EML4: variants seen among roughly 807,000 people sequenced by gnomAD.
EML4 encodes the protein echinoderm microtubule-associated protein-like 4.
EML4 carries 72 observed loss-of-function variants against 129.0 expected under a neutral mutation model. That is an observed-to-expected ratio of 0.56 (90% CI 0.46 to 0.68). The LOEUF (loss-of-function observed/expected upper bound fraction) is 0.68, where lower values mean the gene tolerates loss of function less well. Ranked by LOEUF, EML4 falls within the 30% of genes least tolerant of loss-of-function variation. EML4 has a pLI of 0.00. For synonymous variants in EML4, 532 were observed against 405.0 expected, an observed-to-expected ratio of 1.31 and a Z score of -3.77; for missense variants, 1,363 against 1,190.6, an observed-to-expected ratio of 1.14 and a Z score of -2.13.
intron 1 of EML4, among the ~76,000 whole-genome samples, chr2:42,215,227 CTT>C (rs1673113691): frequency 6.6e-6 from 1 of 152,182 alleles, no homozygotes; most frequent in Admixed American, 6.5e-5. Flanking sequence ...GCCTGGCTAA[CTT>C]TTATATTTTT....
At chr2:42,223,924 C>T (rs557491079) in intron 1 of EML4, among the ~76,000 whole-genome samples, 21 of 152,178 alleles carry the variant, frequency 1.4e-4, no homozygotes, top group African/African-American at 4.1e-4. Context: ...AATACCACTA[C>T]GGGTTCTCCT....
intron 19 of EML4, 183 bp from the exon 20 acceptor site, chr2:42,325,284 C>G (rs952247982): frequency 1.6e-6 from 1 of 629,034 alleles, no homozygotes; most frequent in Non-Finnish European, 3.1e-6. Context: ...CAGAAAGTTT[C>G]TCCCAGGTTT....
chr2:42,310,163 G>C (rs754994677), intron 17 of EML4, among the ~76,000 whole-genome samples: 2 of 152,100 alleles, frequency 1.3e-5, no homozygotes, highest in Non-Finnish European at 2.9e-5. Context: ...ATTTTCTCTG[G>C]ACTTTGAATT....
intron 8 of EML4, among the ~76,000 whole-genome samples, chr2:42,284,254 A>T (rs920877436): frequency 5.9e-5 from 9 of 152,358 alleles, no homozygotes; most frequent in African/African-American, 1.9e-4. Flanking sequence ...AAAAGGAAAA[A>T]ATGCTTGTAC....
intron 1 of EML4, among the ~76,000 whole-genome samples, chr2:42,223,129 C>T (rs1201960100): frequency 2.6e-5 from 4 of 152,020 alleles, no homozygotes; most frequent in African/African-American, 9.7e-5. Context: ...TTAATAGCTG[C>T]ACAGATTCCA....
intron 6 of EML4, among the ~76,000 whole-genome samples, chr2:42,278,596 A>T (rs1474360318): frequency 6.6e-6 from 1 of 150,936 alleles, no homozygotes; most frequent in African/African-American, 2.4e-5. Context: ...AAAAAAAAAA[A>T]AAAAAAATCC....
At chr2:42,234,735 A>G (rs1674552914) in intron 1 of EML4, among the ~76,000 whole-genome samples, 1 of 152,272 alleles carries the variant, frequency 6.6e-6, no homozygotes, top group African/African-American at 2.4e-5. Context: ...AAAGATGGTC[A>G]TGTATATAAA....
At chr2:42,306,459 G>T (rs551333758) in intron 17 of EML4, among the ~76,000 whole-genome samples, 1 of 141,384 alleles carries the variant, frequency 7.1e-6, no homozygotes, top group African/African-American at 2.6e-5. Context: ...CATTTATTCA[G>T]TGTCTGATGA....
rs147095768 is a variant in EML4 at position 42,193,288 on chromosome 2, A to G, written c.25+23652A>G. ...TAGGTTTGTGTAAGTACATTCTGTG[A>G]TTTTGCACAATGAAATTGCCTGTGA... On this transcript the variant is annotated intron_variant, in intron 1 of 22. Coordinates refer to ENST00000318522, the MANE Select transcript of EML4 (RefSeq NM_019063.5). 4.7e-3 allele frequency among the ~76,000 whole-genome samples: 723 copies of G among 152,270 alleles called. 1 individual carries two copies. The highest frequency in any genetic ancestry group is 5.1e-3 in the Non-Finnish European group (346 of 68,014).
chr2:42,203,152 T>A (rs1672336704), intron 1 of EML4, among the ~76,000 whole-genome samples: 1 of 152,230 alleles, frequency 6.6e-6, no homozygotes, highest in African/African-American at 2.4e-5. Flanking sequence ...TTGGCCTGAT[T>A]TGGCCACTCT....
At chr2:42,185,847 C>G (rs1467456920) in intron 1 of EML4, among the ~76,000 whole-genome samples, 2 of 152,048 alleles carry the variant, frequency 1.3e-5, no homozygotes, top group Non-Finnish European at 2.9e-5. Context: ...TTGCAGTAAT[C>G]TAGGAGAGAC....
intron 17 of EML4, among the ~76,000 whole-genome samples, chr2:42,312,946 CTT>C (rs753939714): frequency 0.13 from 15,214 of 113,802 alleles, 649 homozygotes; most frequent in African/African-American, 0.17. Context: ...CAATGTATAT[CTT>C]TTTTTTTTTT....
At chr2:42,286,741 A>G (rs1200715614) in intron 10 of EML4, among the ~76,000 whole-genome samples, 2 of 152,214 alleles carry the variant, frequency 1.3e-5, no homozygotes, top group Admixed American at 6.5e-5. Context: ...GAAAAGATCT[A>G]TTTTATTTTA....
rs1667188810 is a variant in EML4, at chr2:42,284,658, T to G, written c.966T>G (p.Ile322Met). The G allele has an allele frequency of 1.9e-6, 3 of 1,612,754 alleles. No homozygotes were observed. Among genetic ancestry groups the G allele is most frequent in the East Asian group, 4.5e-5 (2 of 44,790 alleles). Residue 322 changes from isoleucine to methionine, a missense_variant, in exon 9 of 23, where the codon ATT becomes ATG. Transcript: ENST00000318522. ...GCCTTGCTATACATCCTGACAAAATTAGGATTGCAACTGGACAGATAGCTG... is the reference window on the plus strand; with the variant it reads ...GCCTTGCTATACATCCTGACAAAATGAGGATTGCAACTGGACAGATAGCTG... ...VKCLAIHPDKIRIATGQIAGV... is the reference protein window; with the variant it reads ...VKCLAIHPDKMRIATGQIAGV...
intron 5 of EML4, among the ~76,000 whole-genome samples, chr2:42,264,103 GTTTTTTTTTTTTTT>G (rs9309080): frequency 9.9e-6 from 1 of 100,778 alleles, no homozygotes; most frequent in Admixed American, 1.3e-4. Flanking sequence ...AACAATACGT[GTTTTTTTTTTTTTT>G]TTTTTTTTTT....
chr2:42,233,260 C>T (rs928359367), intron 1 of EML4, among the ~76,000 whole-genome samples: 3 of 150,138 alleles, frequency 2.0e-5, no homozygotes, highest in African/African-American at 7.4e-5. Context: ...AAATGTAAAG[C>T]TTAAAAGCAA....
intron 1 of EML4, among the ~76,000 whole-genome samples, chr2:42,235,646 A>C (rs762452544): frequency 6.6e-6 from 1 of 152,144 alleles, no homozygotes. Flanking sequence ...GACTATTTCA[A>C]ATTTTTTAAC....
At chr2:42,180,681 G>C (rs901721602) in intron 1 of EML4, among the ~76,000 whole-genome samples, 1 of 152,120 alleles carries the variant, frequency 6.6e-6, no homozygotes, top group Non-Finnish European at 1.5e-5. Flanking sequence ...TTTATTTCCT[G>C]TAAGTAAGGC....
intron 1 of EML4, among the ~76,000 whole-genome samples, chr2:42,238,494 G>GTCC (rs1674816948): frequency 3.3e-5 from 5 of 152,198 alleles, no homozygotes; most frequent in Non-Finnish European, 5.9e-5. Context: ...TGTAATTCCA[G>GTCC]CACTTTGGGA....
Sources: allele counts gnomAD v4.1 joint callset (sites outside exome capture counted in the v4.1 genomes callset), GRCh38; gene constraint gnomAD v4.1.1; transcripts MANE v1.5; gene names NCBI Gene and HGNC (gene_info 2026-07-23, HGNC 2026-07-21).